Variants in MARCHF11 observed in about 807,000 individuals in gnomAD.
MARCHF11 encodes E3 ubiquitin-protein ligase MARCHF11.
A neutral mutation model predicts 37.3 loss-of-function variants in MARCHF11; 29 were observed. The ratio of observed to expected loss-of-function variants is 0.78; its 90% CI spans 0.58 to 1.06. The LOEUF (loss-of-function observed/expected upper bound fraction) is 1.06, where lower values mean the gene tolerates loss of function less well. Among genes scored for constraint, MARCHF11 ranks in the 50% least tolerant of loss-of-function variants. The pLI, the probability that MARCHF11 is intolerant of heterozygous loss-of-function variation, is 0.00. For missense variants in MARCHF11, 482 were observed against 533.4 expected (o/e 0.90, Z 0.95); for synonymous variants, 233 against 228.0 (o/e 1.02, Z -0.20).
At chr5:16,135,041 C>T (rs1043420043) in intron 2 of MARCHF11, among the ~76,000 whole-genome samples, 2 of 151,880 alleles carry the variant, frequency 1.3e-5, no homozygotes, top group African/African-American at 4.8e-5. Flanking sequence ...CAAACACGCA[C>T]ACATAGTTTT....
chr5:16,158,131 G>A (rs10475073), intron 2 of MARCHF11, among the ~76,000 whole-genome samples: 6,883 of 151,854 alleles, frequency 0.045, 449 homozygotes, highest in African/African-American at 0.15. Context: ...ACGACACATC[G>A]CCTCACACCT....
chr5:16,106,389 ATGAT>A (rs1413297542), intron 2 of MARCHF11, among the ~76,000 whole-genome samples: 5 of 152,236 alleles, frequency 3.3e-5, no homozygotes, highest in African/African-American at 1.2e-4. Context: ...CTGTTAAAAT[ATGAT>A]TGTTCTTTGA....
intron 2 of MARCHF11, among the ~76,000 whole-genome samples, chr5:16,166,535 A>G (rs997632787): frequency 3.3e-5 from 5 of 151,926 alleles, no homozygotes; most frequent in Admixed American, 2.0e-4. Flanking sequence ...CATTTCTATC[A>G]ACACAGAAAT....
intron 2 of MARCHF11, among the ~76,000 whole-genome samples, chr5:16,166,891 ATGTG>A (rs3993864): frequency 0.03 from 4,413 of 149,332 alleles, 188 homozygotes; most frequent in African/African-American, 0.088. Context: ...AACCAACAGG[ATGTG>A]TGTGTGTGTG....
At chr5:16,079,403 T>A (rs148636560) in intron 3 of MARCHF11, among the ~76,000 whole-genome samples, 1 of 152,328 alleles carries the variant, frequency 6.6e-6, no homozygotes, top group Non-Finnish European at 1.5e-5. Flanking sequence ...CCTAGAAAGC[T>A]AAGCCCATCC....
chr5:16,106,444 C>T (rs903229820), intron 2 of MARCHF11, among the ~76,000 whole-genome samples: 16 of 152,220 alleles, frequency 1.1e-4, no homozygotes, highest in African/African-American at 3.9e-4. Context: ...TCTCTACAGG[C>T]AGGATGTCTG....
chr5:16,157,708 A>G (rs1186961070), intron 2 of MARCHF11, among the ~76,000 whole-genome samples: 2 of 151,962 alleles, frequency 1.3e-5, no homozygotes, highest in Admixed American at 6.6e-5. Context: ...CAAATTAAAC[A>G]TAAGAACTCA....
At chr5:16,090,856 A>G in intron 3 of MARCHF11, 33 bp downstream of exon 3, 1 of 1,414,298 alleles carries the variant, frequency 7.1e-7, no homozygotes, top group Non-Finnish European at 9.4e-7. Context: ...TGGATTACTG[A>G]CAGTGTGTTA....
intron 2 of MARCHF11, among the ~76,000 whole-genome samples, chr5:16,122,785 C>T (rs1057322473): frequency 1.3e-5 from 2 of 152,128 alleles, no homozygotes; most frequent in Non-Finnish European, 2.9e-5. Flanking sequence ...GGCCTCATTT[C>T]AGAGTGGAAA....
At chr5:16,083,138 C>G (rs1248485753) in intron 3 of MARCHF11, among the ~76,000 whole-genome samples, 2 of 152,202 alleles carry the variant, frequency 1.3e-5, no homozygotes, top group Non-Finnish European at 2.9e-5. Flanking sequence ...AGCTGCTCTG[C>G]TTGTACAGCT....
At chr5:16,082,197 C>T (rs560767172) in intron 3 of MARCHF11, among the ~76,000 whole-genome samples, 4 of 152,318 alleles carry the variant, frequency 2.6e-5, no homozygotes, top group Admixed American at 6.5e-5. Flanking sequence ...ATGAAGGATC[C>T]GAGGCAGGGA....
At chr5:16,135,121 C>A (rs1341205762) in intron 2 of MARCHF11, among the ~76,000 whole-genome samples, 4 of 152,050 alleles carry the variant, frequency 2.6e-5, no homozygotes, top group African/African-American at 9.7e-5. Flanking sequence ...TGCATAATGG[C>A]AGAACATATA....
At chr5:16,140,821 C>A (rs771006287) in intron 2 of MARCHF11, among the ~76,000 whole-genome samples, 6 of 152,042 alleles carry the variant, frequency 3.9e-5, no homozygotes, top group African/African-American at 1.4e-4. Context: ...AATGCTGGGA[C>A]GGAATTTGAC....
chr5:16,080,176 C>G (rs1736584217), intron 3 of MARCHF11, among the ~76,000 whole-genome samples: 1 of 152,204 alleles, frequency 6.6e-6, no homozygotes, highest in Non-Finnish European at 1.5e-5. Context: ...TCACTGCGGT[C>G]TCGCATCCAT....
intron 2 of MARCHF11, among the ~76,000 whole-genome samples, chr5:16,102,303 T>C (rs1736970187): frequency 6.6e-6 from 1 of 152,152 alleles, no homozygotes; most frequent in African/African-American, 2.4e-5. Context: ...ATGACACTGA[T>C]ACGTACAGGA....
chr5:16,078,012 T>C (rs1736547739), intron 3 of MARCHF11, among the ~76,000 whole-genome samples: 1 of 152,252 alleles, frequency 6.6e-6, no homozygotes, highest in African/African-American at 2.4e-5. Flanking sequence ...CTATACCATG[T>C]CTTAAGTGTT....
chr5:16,107,163 A>G (rs1737057908), intron 2 of MARCHF11, among the ~76,000 whole-genome samples: 1 of 152,248 alleles, frequency 6.6e-6, no homozygotes, highest in Non-Finnish European at 1.5e-5. Context: ...GACAGTATCC[A>G]CATAACAGCT....
chr5:16,087,949 A>G (rs921376618), intron 3 of MARCHF11, among the ~76,000 whole-genome samples: 3 of 152,152 alleles, frequency 2.0e-5, no homozygotes, highest in Admixed American at 1.3e-4. Flanking sequence ...TTTCAGAATT[A>G]TTTTTTCAAA....
intron 2 of MARCHF11, among the ~76,000 whole-genome samples, chr5:16,114,682 G>T (rs1305752140): frequency 6.6e-6 from 1 of 151,674 alleles, no homozygotes; most frequent in Non-Finnish European, 1.5e-5. Context: ...AAGAGATGAG[G>T]TCTCACTATG....
Sources: allele counts gnomAD v4.1 joint callset (sites outside exome capture counted in the v4.1 genomes callset), GRCh38; gene constraint gnomAD v4.1.1; transcripts MANE v1.5; gene names NCBI Gene and HGNC (gene_info 2026-07-23, HGNC 2026-07-21).